The following CNOT6 variants were observed in gnomAD, a reference collection of about 807,000 sequenced individuals.
CNOT6 encodes carbon catabolite repression 4 protein.
Under a neutral mutation model 61.2 loss-of-function variants are expected in CNOT6, and 12 were observed. The observed-to-expected ratio is 0.20, with a 90% CI of 0.13 to 0.32. CNOT6 has a LOEUF of 0.32. Among genes scored for constraint, CNOT6 ranks in the 10% least tolerant of loss-of-function variants. CNOT6 has a pLI of 1.00. For synonymous variants in CNOT6, 225 were observed against 240.6 expected (o/e 0.94, Z 0.60); for missense variants, 405 against 663.9 (o/e 0.61, Z 4.28).
intron 4 of CNOT6, among the ~76,000 whole-genome samples, chr5:180,563,998 A>G (rs567108908): frequency 6.6e-6 from 1 of 152,316 alleles, no homozygotes; most frequent in Non-Finnish European, 1.5e-5. Context: ...TGCTTTGTTC[A>G]GTATGACTTT....
intron 1 of CNOT6, among the ~76,000 whole-genome samples, chr5:180,518,360 T>C (rs1757740266): frequency 6.6e-6 from 1 of 152,240 alleles, no homozygotes. Context: ...CTTTGCTTTC[T>C]TGGTATTAGA....
intron 2 of CNOT6, among the ~76,000 whole-genome samples, chr5:180,546,959 A>G (rs574091363): frequency 1.3e-5 from 2 of 152,352 alleles, no homozygotes; most frequent in African/African-American, 2.4e-5. Flanking sequence ...AAATTCATTT[A>G]TGGTTCATAC....
intron 1 of CNOT6, among the ~76,000 whole-genome samples, chr5:180,521,544 A>C (rs1344152457): frequency 6.6e-6 from 1 of 152,164 alleles, no homozygotes; most frequent in African/African-American, 2.4e-5. Context: ...TTACAGACTG[A>C]GTAATTACTT....
chr5:180,529,201 A>C (rs1758235654), intron 1 of CNOT6, 74 bp from the exon 2 acceptor site: 1 of 791,228 alleles, frequency 1.3e-6, no homozygotes, highest in African/African-American at 1.8e-5. Flanking sequence ...TCGTCTCAAA[A>C]AAAAAAAAAA....
intron 1 of CNOT6, among the ~76,000 whole-genome samples, chr5:180,527,394 G>A (rs56005965): frequency 0.27 from 41,377 of 151,884 alleles, 6,211 homozygotes; most frequent in Middle Eastern, 0.41. Flanking sequence ...TGTATTCTGC[G>A]TCTGGATGTC....
chr5:180,568,085 G>A, intron 9 of CNOT6, 82 bp downstream of exon 9: 1 of 1,400,272 alleles, frequency 7.1e-7, no homozygotes, highest in Non-Finnish European at 9.6e-7. Flanking sequence ...ATTTCATTGT[G>A]TATTCATGGT....
chr5:180,512,238 C>A (rs1757430185), intron 1 of CNOT6, among the ~76,000 whole-genome samples: 1 of 152,200 alleles, frequency 6.6e-6, no homozygotes, highest in Admixed American at 6.5e-5. Context: ...AGCTTGTGAG[C>A]AGACCCACTG....
chr5:180,553,597 T>C, intron 4 of CNOT6, 126 bp downstream of exon 4: 2 of 662,008 alleles, frequency 3.0e-6, no homozygotes, highest in Non-Finnish European at 5.2e-6. Flanking sequence ...ATCAGTTTCT[T>C]AGCTATATCG....
intron 8 of CNOT6, among the ~76,000 whole-genome samples, chr5:180,567,521 C>T (rs1010409700): frequency 5.3e-5 from 8 of 152,084 alleles, no homozygotes; most frequent in Non-Finnish European, 7.4e-5. Context: ...CCCTCTATGA[C>T]GGTACAGGGA....
intron 1 of CNOT6, among the ~76,000 whole-genome samples, chr5:180,500,396 G>C (rs565497691): frequency 6.6e-6 from 1 of 151,732 alleles, no homozygotes; most frequent in South Asian, 2.1e-4. Flanking sequence ...ATAGGTGTGA[G>C]CCACTGCACC....
intron 1 of CNOT6, among the ~76,000 whole-genome samples, chr5:180,516,730 C>T (rs1049587506): frequency 8.5e-5 from 13 of 152,132 alleles, no homozygotes; most frequent in African/African-American, 2.7e-4. Context: ...ATTTGTGGAT[C>T]CAACATAGGG....
chr5:180,557,110 T>A (rs899671055), intron 4 of CNOT6, among the ~76,000 whole-genome samples: 9 of 152,244 alleles, frequency 5.9e-5, no homozygotes. Flanking sequence ...TAGTCTATGA[T>A]ATAAATGTCT....
In CNOT6 at chr5:180,574,314, T is replaced by C; in HGVS notation, c.*114T>C. 1.2e-6 allele frequency: 1 copy of C among 833,920 alleles called. No homozygotes were observed. The allele number at this position is 833,920 out of a possible 1,614,324, so 51.7% of individuals were successfully genotyped here. On this transcript the variant is annotated 3_prime_UTR_variant, in exon 12 of 12. Transcript: ENST00000261951. ...TTGCTTGCTTAAGAATGATTTGGAC[T>C]TTCAATCTGATTATTTGATAAGGAT...
chr5:180,508,999 T>C (rs1757263268), intron 1 of CNOT6, among the ~76,000 whole-genome samples: 1 of 151,900 alleles, frequency 6.6e-6, no homozygotes, highest in African/African-American at 2.4e-5. Context: ...ATTTTTGTAT[T>C]TTTAGTAGAG....
At chr5:180,567,775 C>A in intron 8 of CNOT6, 74 bp from the exon 9 acceptor site, 1 of 1,602,550 alleles carries the variant, frequency 6.2e-7, no homozygotes, top group Non-Finnish European at 8.5e-7. Flanking sequence ...TTTGGGAAAA[C>A]TGCGTTTCCC....
At position 180,529,327 on chromosome 5, in the gene CNOT6, T is replaced by C. The variant is rs1214781529; in HGVS notation, c.51T>C (p.Ile17=). The change falls in exon 2 of 12, where the codon ATT becomes ATC. Residue 17 remains isoleucine, a synonymous_variant. Transcript: ENST00000261951. ...EPPDPRRMYT[I]MSSEEAANGK... ...CTGACCCTCGGAGGATGTATACAAT[T>C]ATGTCTTCTGAGGAAGCAGCAAATG... 3 of 1,613,924 alleles carry C rather than the reference T, an allele frequency of 1.9e-6. No individual in the cohort carries two copies. In the Admixed American group the frequency reaches 5.0e-5, roughly 27 times the overall value.
At chr5:180,510,703 A>G (rs1056818309) in intron 1 of CNOT6, among the ~76,000 whole-genome samples, 1 of 152,246 alleles carries the variant, frequency 6.6e-6, no homozygotes, top group Non-Finnish European at 1.5e-5. Flanking sequence ...AAGTTTTAAT[A>G]TACCTATAAA....
chr5:180,552,100 C>T (rs537480266), intron 3 of CNOT6, among the ~76,000 whole-genome samples: 6 of 151,742 alleles, frequency 4.0e-5, no homozygotes, highest in African/African-American at 1.2e-4. Context: ...AACTCCTGAC[C>T]TCAAATGATC....
chr5:180,510,533 A>G (rs758478467), intron 1 of CNOT6, among the ~76,000 whole-genome samples: 13 of 152,298 alleles, frequency 8.5e-5, no homozygotes, highest in African/African-American at 2.4e-5. Context: ...GTAGAATTCA[A>G]ATCATACACT....
Sources: gnomAD v4.1 joint callset for allele counts (sites outside exome capture counted in the v4.1 genomes callset) on GRCh38, gnomAD v4.1.1 for gene constraint, MANE v1.5 for transcripts, NCBI Gene and HGNC (gene_info 2026-07-23, HGNC 2026-07-21) for gene names.